The following DST variants were observed in gnomAD, a reference collection of about 807,000 sequenced individuals.
DST encodes the protein bullous pemphigoid antigen.
DST carries 253 observed loss-of-function variants against 875.2 expected under a neutral mutation model. The ratio of observed to expected loss-of-function variants is 0.29; its 90% CI spans 0.26 to 0.32. The LOEUF is 0.32. DST is among the 10% of genes least tolerant of loss of function. DST has a pLI of 1.00. For missense variants in DST, 8,287 were observed against 9,111.6 expected (o/e 0.91, Z 3.68); for synonymous variants, 3,124 against 3,197.1 (o/e 0.98, Z 0.77).
chr6:56,823,462 G>C (rs1300005615), intron 4 of DST, among the ~76,000 whole-genome samples: 1 of 152,078 alleles, frequency 6.6e-6, no homozygotes, highest in Non-Finnish European at 1.5e-5. Context: ...GCAGGCTGGA[G>C]TGCAGTGCCG....
intron 32 of DST, 42 bp from the exon 33 acceptor site, chr6:56,628,203 T>A (rs758616772): frequency 6.4e-7 from 1 of 1,567,016 alleles, no homozygotes; most frequent in East Asian, 2.2e-5. Flanking sequence ...TCCAGCGATA[T>A]CCATCAGGAG....
chr6:56,615,320 T>C (rs898783485), intron 36 of DST: 24 of 1,412,104 alleles, frequency 1.7e-5, no homozygotes, highest in Middle Eastern at 2.5e-4. Flanking sequence ...ATGAAACCAT[T>C]TGAAGGGCAT....
intron 5 of DST, among the ~76,000 whole-genome samples, chr6:56,728,571 G>A (rs545329020): frequency 1.1e-4 from 16 of 152,248 alleles, no homozygotes; most frequent in Non-Finnish European, 2.4e-4. Context: ...AGCTGCTCAG[G>A]AGGCTGAGGC....
At chr6:56,879,345 C>A (rs1014276445) in intron 3 of DST, among the ~76,000 whole-genome samples, 3 of 152,126 alleles carry the variant, frequency 2.0e-5, no homozygotes, top group African/African-American at 7.2e-5. Flanking sequence ...GTGGCAGGCG[C>A]CTGTAGTCCC....
intron 15 of DST, among the ~76,000 whole-genome samples, chr6:56,644,884 G>A (rs1351935561): frequency 2.0e-5 from 3 of 152,184 alleles, no homozygotes; most frequent in South Asian, 2.1e-4. Context: ...TGTGTCAAGT[G>A]TGGGGCCAGG....
chr6:56,643,308 A>C (rs376958909), intron 15 of DST, among the ~76,000 whole-genome samples: 40 of 152,376 alleles, frequency 2.6e-4, no homozygotes, highest in African/African-American at 9.6e-4. Context: ...TGAAGTACCT[A>C]TAAACAAATG....
rs139723497 is a variant in DST at position 56,902,941 on chromosome 6, T to TTCTC, written c.217-2324_217-2321dup. ...TCCACCCTCTACACACACACATTCATTCTCTCTCTCTCTCTCTCTGTCTTT... is the reference window on the plus strand; with the variant it reads ...TCCACCCTCTACACACACACATTCATTCTCTCTCTCTCTCTCTCTCTCTGTCTTT... On this transcript the variant is annotated intron_variant, in intron 2 of 103. Coordinates refer to ENST00000680361, the MANE Select transcript of DST (RefSeq NM_001374736.1). Among the ~76,000 whole-genome samples, 13 of 130,200 alleles carry TTCTC rather than the reference T, an allele frequency of 1.0e-4. No homozygotes were observed. In the East Asian group the frequency reaches 1.0e-3, roughly 10 times the overall value. 85.4% of individuals were successfully genotyped at this position (130,200 alleles called of 152,430 possible). A position where few individuals can be genotyped will look rare whatever the true frequency, so the allele number is the denominator to read the frequency against.
intron 87 of DST, among the ~76,000 whole-genome samples, chr6:56,486,850 G>A (rs954340517): frequency 6.6e-6 from 1 of 152,196 alleles, no homozygotes; most frequent in Non-Finnish European, 1.5e-5. Flanking sequence ...GTCAGAAGCA[G>A]TGGGTGTAGT....
rs145073910 is a variant in DST at position 56,675,979 on chromosome 6, C to A, written c.1048-5172G>T. Among the ~76,000 whole-genome samples, 9 of 152,110 alleles carry A rather than the reference C, an allele frequency of 5.9e-5. No individual in the cohort carries two copies. In the East Asian group the frequency reaches 9.6e-4, roughly 16 times the overall value. On this transcript the variant is annotated intron_variant, in intron 9 of 103. Transcript: ENST00000680361. ...AAAAATGATCAATATCACTAAGCAG[C>A]GAAGAAATGCAAATTAAAACCACAA... is the stretch of plus-strand genomic sequence containing the variant.
At chr6:56,523,601 T>C (rs999350207) in intron 69 of DST, among the ~76,000 whole-genome samples, 5 of 152,074 alleles carry the variant, frequency 3.3e-5, no homozygotes, top group African/African-American at 4.8e-5. Flanking sequence ...AAAAAGCAGG[T>C]TGACATTATA....
chr6:56,671,177 G>A (rs989995966), intron 9 of DST, among the ~76,000 whole-genome samples: 6 of 152,188 alleles, frequency 3.9e-5, no homozygotes, highest in Non-Finnish European at 7.4e-5. Context: ...TAACTCATTT[G>A]TGTCCAATTT....
intron 4 of DST, among the ~76,000 whole-genome samples, chr6:56,806,724 G>A (rs1466626037): frequency 6.6e-6 from 1 of 152,176 alleles, no homozygotes; most frequent in Non-Finnish European, 1.5e-5. Context: ...TGATAATAAT[G>A]ACAACAACTT....
At chr6:56,771,220 G>T (rs1157523061) in intron 4 of DST, among the ~76,000 whole-genome samples, 1 of 151,194 alleles carries the variant, frequency 6.6e-6, no homozygotes, top group Non-Finnish European at 1.5e-5. Context: ...TTATATAAGA[G>T]TCTCTTTAAA....
intron 4 of DST, among the ~76,000 whole-genome samples, chr6:56,793,103 A>C (rs112708311): frequency 0.012 from 1,775 of 148,696 alleles, 55 homozygotes; most frequent in African/African-American, 0.042. Flanking sequence ...AAAAAAAGCA[A>C]AAGGTTAGGA....
chr6:56,628,234 GAGAGA>G (rs2098750053), intron 32 of DST, 73 bp from the exon 33 acceptor site: 2 of 1,355,856 alleles, frequency 1.5e-6, no homozygotes, highest in Non-Finnish European at 2.1e-6. Context: ...GTAGAGATGG[GAGAGA>G]CAAAATAATT....
At chr6:56,743,577 A>C (rs1480206238) in intron 4 of DST, among the ~76,000 whole-genome samples, 1 of 152,190 alleles carries the variant, frequency 6.6e-6, no homozygotes, top group African/African-American at 2.4e-5. Flanking sequence ...GGATAATAAT[A>C]ATAGCAAACA....
chr6:56,627,869 A>AT (rs2098747786), intron 33 of DST, 130 bp downstream of exon 33: 2 of 854,292 alleles, frequency 2.3e-6, no homozygotes, highest in Non-Finnish European at 3.7e-6. Context: ...AGATTTTAAT[A>AT]TTTTTTATAT....
intron 75 of DST, among the ~76,000 whole-genome samples, chr6:56,508,251 C>T (rs1296458453): frequency 6.6e-6 from 1 of 152,108 alleles, no homozygotes; most frequent in African/African-American, 2.4e-5. Flanking sequence ...CCAAGCTGGT[C>T]TCAAACTCCT....
chr6:56,706,963 C>T (rs1273184868), intron 5 of DST, among the ~76,000 whole-genome samples: 1 of 152,196 alleles, frequency 6.6e-6, no homozygotes, highest in Non-Finnish European at 1.5e-5. Flanking sequence ...CGAGATCATG[C>T]CACTGCACTC....
Sources: gnomAD v4.1 joint callset for allele counts (sites outside exome capture counted in the v4.1 genomes callset) on GRCh38, gnomAD v4.1.1 for gene constraint, MANE v1.5 for transcripts, NCBI Gene and HGNC (gene_info 2026-07-23, HGNC 2026-07-21) for gene names.